The following RAB27B variants were observed in gnomAD, a reference collection of about 807,000 sequenced individuals.
The protein encoded by RAB27B is ras-related protein Rab-27B.
In RAB27B, 15 loss-of-function variants were observed where a neutral mutation model predicts 24.6. The ratio of observed to expected loss-of-function variants is 0.61; its 90% CI spans 0.41 to 0.94. RAB27B has a LOEUF of 0.94. RAB27B is among the 40% of genes least tolerant of loss of function. RAB27B has a pLI of 0.00. For synonymous variants in RAB27B, 105 were observed against 92.5 expected, an observed-to-expected ratio of 1.14 and a Z score of -0.78; for missense variants, 261 against 266.8, an observed-to-expected ratio of 0.98 and a Z score of 0.15.
chr18:54,865,702 A>G (rs2145246802), intron 1 of RAB27B, among the ~76,000 whole-genome samples: 1 of 152,336 alleles, frequency 6.6e-6, no homozygotes, highest in African/African-American at 2.4e-5. Context: ...ATTTGGAGGG[A>G]AATGCCAAAA....
At chr18:54,769,484 G>A (rs1274944020) in intron 2 of RAB27B, among the ~76,000 whole-genome samples, 1 of 151,048 alleles carries the variant, frequency 6.6e-6, no homozygotes, top group African/African-American at 2.4e-5. Flanking sequence ...TAATTTTTGA[G>A]AGCTCTTTTC....
intron 2 of RAB27B, among the ~76,000 whole-genome samples, chr18:54,742,374 T>A (rs1257442999): frequency 6.6e-6 from 1 of 152,176 alleles, no homozygotes; most frequent in Non-Finnish European, 1.5e-5. Context: ...TTTATAAGCA[T>A]CCTAGCTTGT....
At chr18:54,871,704 G>T (rs1054925126) in intron 1 of RAB27B, among the ~76,000 whole-genome samples, 19 of 152,062 alleles carry the variant, frequency 1.2e-4, no homozygotes, top group African/African-American at 4.3e-4. Flanking sequence ...CCAAAAATTG[G>T]CCGGGCGTGG....
At position 54,884,431 on chromosome 18, in the gene RAB27B, G is replaced by A; in HGVS notation, c.338G>A (p.Trp113Ter). 1 of 1,600,630 alleles carries A rather than the reference G, an allele frequency of 6.2e-7. No homozygotes were observed. The highest frequency in any genetic ancestry group is 8.6e-7 in the Non-Finnish European group (1 of 1,168,308). Residue 113 changes from tryptophan (W) to a stop codon, truncating the protein, a stop_gained, in exon 4 of 6, where the codon TGG (tryptophan) becomes TAG (stop). Coordinates refer to ENST00000262094, the MANE Select transcript of RAB27B (RefSeq NM_004163.4). LOFTEE classifies it high-confidence loss of function. ...SQQSFLNVRNWMSQLQANAYC... is the reference protein window; with the variant it reads ...SQQSFLNVRN Reference sequence around the variant, plus strand: ...CAGAGCTTCTTAAATGTCAGAAACTGGATGAGTAAGTGGGACTGAGTAATG... The same window carrying A: ...CAGAGCTTCTTAAATGTCAGAAACTAGATGAGTAAGTGGGACTGAGTAATG...
At chr18:54,737,165 A>C (rs962518509) in intron 2 of RAB27B, among the ~76,000 whole-genome samples, 2 of 152,310 alleles carry the variant, frequency 1.3e-5, no homozygotes, top group South Asian at 4.1e-4. Flanking sequence ...CACAAAGGTC[A>C]GTTTCGAACC....
At chr18:54,777,615 A>G (rs1229576488) in intron 2 of RAB27B, among the ~76,000 whole-genome samples, 1 of 152,262 alleles carries the variant, frequency 6.6e-6, no homozygotes, top group African/African-American at 2.4e-5. Context: ...TTGTGTACTC[A>G]GGAAGTAAAT....
At chr18:54,756,377 A>G (rs563989566) in intron 2 of RAB27B, among the ~76,000 whole-genome samples, 2 of 152,276 alleles carry the variant, frequency 1.3e-5, no homozygotes, top group South Asian at 4.1e-4. Context: ...TAGGTCTCCC[A>G]CATTATTTAA....
intron 1 of RAB27B, among the ~76,000 whole-genome samples, chr18:54,857,237 G>T (rs373603269): frequency 7.2e-4 from 109 of 152,192 alleles, no homozygotes; most frequent in African/African-American, 2.6e-3. Flanking sequence ...CAAGTCTAAT[G>T]GTATGTGCTG....
chr18:54,887,868 G>T, intron 4 of RAB27B, 127 bp from the exon 5 acceptor site: 2 of 1,057,564 alleles, frequency 1.9e-6, no homozygotes, highest in Non-Finnish European at 2.7e-6. Flanking sequence ...GAAGTAACTT[G>T]GCCAATATAA....
intron 2 of RAB27B, among the ~76,000 whole-genome samples, chr18:54,766,214 G>T (rs1471757085): frequency 6.6e-6 from 1 of 152,086 alleles, no homozygotes; most frequent in African/African-American, 2.4e-5. Context: ...ATAATCAAAA[G>T]CAGGAAATAA....
intron 1 of RAB27B, among the ~76,000 whole-genome samples, chr18:54,845,250 T>C (rs1437281330): frequency 6.6e-6 from 1 of 151,652 alleles, no homozygotes; most frequent in Non-Finnish European, 1.5e-5. Context: ...CTACTAAAAA[T>C]ACAAAAATTA....
At chr18:54,796,573 C>G (rs1257999295) in intron 2 of RAB27B, among the ~76,000 whole-genome samples, 1 of 152,194 alleles carries the variant, frequency 6.6e-6, no homozygotes, top group African/African-American at 2.4e-5. Context: ...AGACTCCCCC[C>G]TCTCTCTTAC....
At chr18:54,795,671 A>G (rs1909393018) in intron 2 of RAB27B, among the ~76,000 whole-genome samples, 1 of 152,116 alleles carries the variant, frequency 6.6e-6, no homozygotes, top group South Asian at 2.1e-4. Flanking sequence ...TGAGGAAGAA[A>G]CTCAGATAAA....
chr18:54,860,271 A>G (rs1911960377), intron 1 of RAB27B, among the ~76,000 whole-genome samples: 1 of 152,142 alleles, frequency 6.6e-6, no homozygotes, highest in Non-Finnish European at 1.5e-5. Context: ...TGAGCTTCTG[A>G]ACTCAGGGCT....
chr18:54,718,790 AT>A (rs1166043313), intron 2 of RAB27B, among the ~76,000 whole-genome samples: 2 of 152,198 alleles, frequency 1.3e-5, no homozygotes, highest in African/African-American at 4.8e-5. Context: ...AATGATTATG[AT>A]TTTATGGGGG....
At chr18:54,813,775 T>G (rs1598924406) in intron 2 of RAB27B, among the ~76,000 whole-genome samples, 2 of 152,294 alleles carry the variant, frequency 1.3e-5, no homozygotes, top group Admixed American at 1.3e-4. Context: ...TCAATTCACC[T>G]CAAATCAATT....
intron 2 of RAB27B, among the ~76,000 whole-genome samples, chr18:54,769,893 T>C (rs902212773): frequency 3.9e-5 from 6 of 152,174 alleles, no homozygotes; most frequent in African/African-American, 1.2e-4. Context: ...ATTTTTTGCT[T>C]GAGACAAAGT....
At chr18:54,778,348 G>A (rs1032596426) in intron 2 of RAB27B, among the ~76,000 whole-genome samples, 3 of 152,218 alleles carry the variant, frequency 2.0e-5, no homozygotes, top group African/African-American at 4.8e-5. Context: ...TTAGCTGGAA[G>A]AGCATGGCAT....
Position 54,886,999 on chromosome 18 carries a change from C to T in RAB27B, c.344-996C>T, listed in dbSNP as rs547550162. Among the ~76,000 whole-genome samples the T allele has an allele frequency of 5.7e-5, 8 of 139,138 alleles. No homozygotes were observed. The East Asian group carries it at 1.7e-3, about 29-fold the overall frequency. 91.3% of individuals were successfully genotyped at this position (139,138 alleles called of 152,430 possible). A position where few individuals can be genotyped will look rare whatever the true frequency, so the allele number is the denominator to read the frequency against. On this transcript the variant is annotated intron_variant, in intron 4 of 5. Transcript: ENST00000262094. ...GCCCTTCCTGCCCTGCCCTGCCCTC[C>T]CCTCGCCAACTCTCCCTCCCTTCCT...
Sources: gnomAD v4.1 joint callset for allele counts (sites outside exome capture counted in the v4.1 genomes callset) on GRCh38, gnomAD v4.1.1 for gene constraint, MANE v1.5 for transcripts, NCBI Gene and HGNC (gene_info 2026-07-23, HGNC 2026-07-21) for gene names.